Variants in PPP2R3A observed in about 807,000 individuals in gnomAD.
PPP2R3A encodes the protein serine/threonine-protein phosphatase 2A regulatory subunit B'' subunit alpha.
In PPP2R3A, 80 loss-of-function variants were observed where a neutral mutation model predicts 106.9. The observed-to-expected ratio is 0.75, with a 90% CI of 0.62 to 0.90. The LOEUF is 0.90. Ranked by LOEUF, PPP2R3A falls within the 40% of genes least tolerant of loss-of-function variation. The pLI is 0.00. For missense variants in PPP2R3A, 1,386 were observed against 1,350.4 expected (o/e 1.03, Z -0.41); for synonymous variants, 483 against 468.3 (o/e 1.03, Z -0.41).
chr3:136,021,780 T>A (rs1934475571), intron 2 of PPP2R3A, among the ~76,000 whole-genome samples: 1 of 152,156 alleles, frequency 6.6e-6, no homozygotes, highest in Admixed American at 6.6e-5. Context: ...AAAAGTATGG[T>A]TGCATATGTA....
rs780786951 is a variant in PPP2R3A, at chr3:136,145,157, TGAA to T, written c.3448_3450del (p.Glu1150del). On this transcript the variant is annotated inframe_deletion, in exon 14 of 14. Transcript: ENST00000264977. ...AATGTGGAAAGCTTCAATCAGTGGA[TGAA>T]GAATAGCTGCCGGTGTCTACAATGA... 1.1e-5 allele frequency: 18 copies of T among 1,609,878 alleles called. No homozygotes were observed. Among genetic ancestry groups the T allele is most frequent in the Non-Finnish European group, 1.4e-5 (17 of 1,178,832 alleles).
chr3:136,122,065 A>G (rs1488287597), intron 13 of PPP2R3A, among the ~76,000 whole-genome samples: 1 of 152,234 alleles, frequency 6.6e-6, no homozygotes, highest in South Asian at 2.1e-4. Flanking sequence ...CAATGAAAGT[A>G]TTCTATTTAT....
rs368910602 is a variant in PPP2R3A at position 136,002,713 on chromosome 3, T to C, written c.1215T>C (p.Asn405=). The change falls in exon 2 of 14, where the codon AAT becomes AAC. Residue 405 remains asparagine, a synonymous_variant. Transcript: ENST00000264977. ...SQSLTMNPLE[N]VSSDDLMETL... is the part of the protein sequence containing the mutation. ...CATTAACCATGAATCCTTTAGAAAA[T>C]GTTTCTTCTGACGACTTAATGGAAA... is the stretch of plus-strand genomic sequence containing the variant. 11 of 1,613,050 alleles carry C rather than the reference T, an allele frequency of 6.8e-6. No homozygotes were observed. In the African/African-American group the frequency reaches 1.5e-4, roughly 22 times the overall value.
intron 5 of PPP2R3A, among the ~76,000 whole-genome samples, chr3:136,059,156 G>T (rs1472487171): frequency 6.6e-6 from 1 of 151,948 alleles, no homozygotes; most frequent in Non-Finnish European, 1.5e-5. Flanking sequence ...TTAAACTAAA[G>T]AGCTTCTGCA....
chr3:135,966,856 A>G (rs1478279914), intron 1 of PPP2R3A, among the ~76,000 whole-genome samples: 2 of 151,800 alleles, frequency 1.3e-5, no homozygotes, highest in South Asian at 4.2e-4. Flanking sequence ...GGTGCCAGGC[A>G]TTTTTCTTTG....
intron 5 of PPP2R3A, among the ~76,000 whole-genome samples, chr3:136,066,911 A>G (rs963960255): frequency 6.6e-6 from 1 of 152,172 alleles, no homozygotes; most frequent in African/African-American, 2.4e-5. Context: ...TATCTAAGGA[A>G]AAAAAATTTC....
intron 1 of PPP2R3A, among the ~76,000 whole-genome samples, chr3:135,993,476 C>A (rs535260548): frequency 6.6e-6 from 1 of 152,276 alleles, no homozygotes; most frequent in Non-Finnish European, 1.5e-5. Flanking sequence ...CTTTGGAAAA[C>A]AGTTTTGCAG....
intron 1 of PPP2R3A, among the ~76,000 whole-genome samples, chr3:135,980,832 C>T (rs1013610138): frequency 6.6e-6 from 1 of 151,870 alleles, no homozygotes; most frequent in African/African-American, 2.4e-5. Flanking sequence ...AGTTTTCCCA[C>T]ACCCACGTAG....
At chr3:136,025,111 A>G (rs1398189729) in intron 2 of PPP2R3A, among the ~76,000 whole-genome samples, 2 of 152,136 alleles carry the variant, frequency 1.3e-5, no homozygotes, top group African/African-American at 2.4e-5. Flanking sequence ...CTTGTCATTC[A>G]TCTTCTTACA....
intron 2 of PPP2R3A, among the ~76,000 whole-genome samples, chr3:136,025,848 A>G (rs892724960): frequency 3.3e-5 from 5 of 152,138 alleles, no homozygotes; most frequent in African/African-American, 4.8e-5. Flanking sequence ...TAATTTGGCC[A>G]TTAATTAAGA....
At chr3:136,003,527 T>C (rs758257652) in intron 2 of PPP2R3A, 34 bp downstream of exon 2, 3 of 1,509,660 alleles carry the variant, frequency 2.0e-6, no homozygotes, top group Non-Finnish European at 2.7e-6. Flanking sequence ...CTAGGAACTC[T>C]TTAAAAAATG....
At chr3:136,103,473 AAG>A (rs1446378341) in intron 12 of PPP2R3A, 97 bp downstream of exon 12, 53 of 825,720 alleles carry the variant, frequency 6.4e-5, no homozygotes, top group Non-Finnish European at 9.4e-5. Flanking sequence ...AATTTCGGTA[AAG>A]AGGTAACATT....
intron 1 of PPP2R3A, among the ~76,000 whole-genome samples, chr3:135,970,126 G>A (rs1027227855): frequency 1.3e-5 from 2 of 152,164 alleles, no homozygotes; most frequent in Non-Finnish European, 2.9e-5. Context: ...TTGCTGCCTT[G>A]GACGAATCTG....
At chr3:136,010,520 G>A (rs1224264597) in intron 2 of PPP2R3A, among the ~76,000 whole-genome samples, 14 of 133,526 alleles carry the variant, frequency 1.0e-4, no homozygotes, top group Admixed American at 3.3e-4. Flanking sequence ...TCCGCCTCCC[G>A]GGTTCACACC....
intron 10 of PPP2R3A, among the ~76,000 whole-genome samples, chr3:136,099,648 GAC>G (rs1390094399): frequency 2.0e-5 from 3 of 151,696 alleles, no homozygotes; most frequent in Non-Finnish European, 2.9e-5. Context: ...AGGAAATAGA[GAC>G]AAGATACGAA....
rs1559947022 is a variant in PPP2R3A at position 136,145,438 on chromosome 3, G to GAGATA, written c.*272_*273insAGATA. The GAGATA allele has an allele frequency of 8.0e-5, 19 of 236,966 alleles. No homozygotes were observed. In the South Asian group the frequency reaches 1.2e-3, roughly 15 times the overall value. 14.7% of individuals were successfully genotyped at this position (236,966 alleles called of 1,614,324 possible). A position where few individuals can be genotyped will look rare whatever the true frequency, so the allele number is the denominator to read the frequency against. On this transcript the variant is annotated 3_prime_UTR_variant, in exon 14 of 14. Transcript: ENST00000264977. Reference sequence around the variant, plus strand: ...CACTCTACACTCTTGAATGTACCAAGGATCTCTTGGCGACAGTACCAAGCA... The same window carrying GAGATA: ...CACTCTACACTCTTGAATGTACCAAGAGATAGATCTCTTGGCGACAGTACCAAGCA...
chr3:136,082,314 A>C lies in PPP2R3A; in HGVS notation c.2681A>C (p.Tyr894Ser), dbSNP rs376444693. 9 of 1,602,096 alleles carry C rather than the reference A, an allele frequency of 5.6e-6. No homozygotes were observed. The highest frequency in any genetic ancestry group is 7.7e-6 in the Non-Finnish European group (9 of 1,169,186). ...EEEDINQITD[Y>S]FSYEHFYVIY... ...GAAGATATAAACCAAATTACAGATT[A>C]CTTCTCCTATGAACATTTCTATGTT... The change falls in exon 8 of 14, where the codon TAC (tyrosine) becomes TCC (serine). Residue 894 changes from tyrosine to serine, a missense_variant. Transcript: ENST00000264977.
At chr3:136,068,177 C>T (rs991024658) in intron 5 of PPP2R3A, among the ~76,000 whole-genome samples, 2 of 152,080 alleles carry the variant, frequency 1.3e-5, no homozygotes, top group Non-Finnish European at 2.9e-5. Context: ...AAGATGGAGT[C>T]ACTACACTCC....
intron 5 of PPP2R3A, among the ~76,000 whole-genome samples, chr3:136,069,301 G>A (rs1380508704): frequency 6.6e-6 from 1 of 152,102 alleles, no homozygotes; most frequent in Non-Finnish European, 1.5e-5. Context: ...AGTTAGCCAG[G>A]CATGGTGGCT....
Sources: allele counts gnomAD v4.1 joint callset (sites outside exome capture counted in the v4.1 genomes callset), GRCh38; gene constraint gnomAD v4.1.1; transcripts MANE v1.5; gene names NCBI Gene and HGNC (gene_info 2026-07-23, HGNC 2026-07-21).